Variants in JAKMIP1 observed in about 807,000 individuals in gnomAD.
JAKMIP1 encodes the protein janus kinase and microtubule interacting protein 1.
In JAKMIP1, 33 loss-of-function variants were observed where a neutral mutation model predicts 113.0. The ratio of observed to expected loss-of-function variants is 0.29; its 90% confidence interval spans 0.22 to 0.39. JAKMIP1 has a LOEUF of 0.39. JAKMIP1 is among the 10% of genes least tolerant of loss of function. The pLI is 1.00. For synonymous variants in JAKMIP1, 480 were observed against 459.9 expected, an observed-to-expected ratio of 1.04 and a Z score of -0.56; for missense variants, 813 against 1,080.5, an observed-to-expected ratio of 0.75 and a Z score of 3.47.
chr4:6,108,911 T>C lies in JAKMIP1; in HGVS notation c.130-2944A>G, dbSNP rs1222312925. Among the ~76,000 whole-genome samples the C allele has an allele frequency of 6.6e-6, 1 of 152,240 alleles. No individual in the cohort carries two copies. Among genetic ancestry groups the C allele is most frequent in the Non-Finnish European group, 1.5e-5 (1 of 68,046 alleles). The stretch of plus-strand genomic sequence containing the variant: ...TCATATATGGAAATATTTACAGGTA[T>C]GCGTACATACGCAGGTCAGTATACA... On this transcript the variant is annotated intron_variant, in intron 2 of 20. Coordinates refer to ENST00000409021, the MANE Select transcript of JAKMIP1 (RefSeq NM_001099433.2). This position sits in a 1 kb window ranked among gnomAD's most constrained non-coding sequence, Gnocchi z 5.6.
At chr4:6,134,181 C>G (rs4364330) in intron 1 of JAKMIP1, among the ~76,000 whole-genome samples, 50,970 of 152,076 alleles carry the variant, frequency 0.34, 9,978 homozygotes, top group East Asian at 0.57. Flanking sequence ...ACAGTTCCTC[C>G]TTCACATACT....
At chr4:6,124,903 A>T (rs1427842156) in intron 1 of JAKMIP1, among the ~76,000 whole-genome samples, 2 of 152,232 alleles carry the variant, frequency 1.3e-5, no homozygotes, top group African/African-American at 4.8e-5. Flanking sequence ...TCGGGTGACC[A>T]TCTATCTCCA....
In JAKMIP1 at chr4:6,156,191, G is replaced by A. The variant is rs930322639; in HGVS notation, c.-147-43194C>T. The stretch of plus-strand genomic sequence containing the variant: ...TTCTCACCGTACCACGCCCGGCACA[G>A]AGCCAGCCAGCCACGCGCAAAGCCA... On this transcript the variant is annotated intron_variant, in intron 1 of 20. Transcript: ENST00000409021. The surrounding 1 kb of genome is among the most constrained non-coding windows in gnomAD (Gnocchi z 5.0). 6.6e-6 allele frequency among the ~76,000 whole-genome samples: 1 copy of A among 152,224 alleles called. No homozygotes were observed. Among genetic ancestry groups the A allele is most frequent in the Non-Finnish European group, 1.5e-5 (1 of 68,048 alleles).
intron 2 of JAKMIP1, among the ~76,000 whole-genome samples, chr4:6,107,127 T>C (rs928643450): frequency 7.2e-5 from 11 of 152,224 alleles, no homozygotes; most frequent in African/African-American, 2.7e-4. Flanking sequence ...CCATGTTCTG[T>C]CCACCTTACC....
At chr4:6,056,659 C>T in intron 12 of JAKMIP1, 38 bp downstream of exon 12, 1 of 1,569,906 alleles carries the variant, frequency 6.4e-7, no homozygotes, top group Non-Finnish European at 8.8e-7. Context: ...TCCCAACTGC[C>T]CTGCGGCTGT....
intron 1 of JAKMIP1, among the ~76,000 whole-genome samples, chr4:6,161,573 T>C (rs1722960873): frequency 6.6e-6 from 1 of 151,164 alleles, no homozygotes; most frequent in African/African-American, 2.4e-5. Flanking sequence ...AAATAGAACA[T>C]TCCAGATGGA....
intron 1 of JAKMIP1, among the ~76,000 whole-genome samples, chr4:6,152,458 G>T (rs1267285509): frequency 1.3e-5 from 2 of 152,178 alleles, no homozygotes; most frequent in East Asian, 3.9e-4. Context: ...CAGAGATAAG[G>T]CCTGGCATTG....
intron 3 of JAKMIP1, among the ~76,000 whole-genome samples, chr4:6,092,818 C>T (rs1367339852): frequency 2.0e-5 from 3 of 152,188 alleles, no homozygotes; most frequent in Non-Finnish European, 4.4e-5. Flanking sequence ...GGTGCAGGGG[C>T]CTCGATTCTA....
At position 6,040,773 on chromosome 4, in the gene JAKMIP1, C is replaced by T. The variant is rs756020931; in HGVS notation, c.2098-57G>A. 1.7e-5 allele frequency: 24 copies of T among 1,377,418 alleles called. No homozygotes were observed. Among genetic ancestry groups the T allele is most frequent in the Non-Finnish European group, 2.3e-5 (22 of 972,814 alleles). The allele number at this position is 1,377,418 out of a possible 1,614,324, so 85.3% of individuals were successfully genotyped here. A position where few individuals can be genotyped will look rare whatever the true frequency, so the allele number is the denominator to read the frequency against. Reference sequence around the variant, plus strand: ...GCGTCAGAACAGGAATCCATGACAGCTTCAGAGCCCGTTTGCTAGAGAGTG... The same window carrying T: ...GCGTCAGAACAGGAATCCATGACAGTTTCAGAGCCCGTTTGCTAGAGAGTG... On this transcript the variant is annotated intron_variant, in intron 17 of 20. Coordinates refer to ENST00000409021, the MANE Select transcript of JAKMIP1 (RefSeq NM_001099433.2). This position sits in a 1 kb window ranked among gnomAD's most constrained non-coding sequence, Gnocchi z 5.8.
chr4:6,172,022 T>G (rs1724788670), intron 1 of JAKMIP1, among the ~76,000 whole-genome samples: 3 of 152,196 alleles, frequency 2.0e-5, no homozygotes, highest in Non-Finnish European at 4.4e-5. Context: ...CTCCCCCACG[T>G]GATACCTGAT....
Position 6,136,146 on chromosome 4 carries a change from T to C in JAKMIP1, c.-147-23149A>G, listed in dbSNP as rs924333654. On this transcript the variant is annotated intron_variant, in intron 1 of 20. Coordinates refer to ENST00000409021, the MANE Select transcript of JAKMIP1 (RefSeq NM_001099433.2). The surrounding 1 kb of genome is among the most constrained non-coding windows in gnomAD (Gnocchi z 5.9). The stretch of plus-strand genomic sequence containing the variant: ...CTGTATTCCCAGCTGCTGGGGAGGC[T>C]GAGGCAGGAGAATCACTTGAACCCA... Among the ~76,000 whole-genome samples, 5 of 151,916 alleles carry C rather than the reference T, an allele frequency of 3.3e-5. No homozygotes were observed. Among genetic ancestry groups the C allele is most frequent in the Non-Finnish European group, 7.4e-5 (5 of 68,002 alleles).
At chr4:6,172,626 C>CT (rs1207032074) in intron 1 of JAKMIP1, among the ~76,000 whole-genome samples, 5 of 152,202 alleles carry the variant, frequency 3.3e-5, no homozygotes, top group Non-Finnish European at 5.9e-5. Flanking sequence ...ATGGGAGCCC[C>CT]TAATGGCAGT....
intron 19 of JAKMIP1, among the ~76,000 whole-genome samples, chr4:6,032,619 C>G (rs561409721): frequency 6.8e-4 from 104 of 152,270 alleles, no homozygotes; most frequent in African/African-American, 2.3e-3. Flanking sequence ...TGCCACAGCA[C>G]CTAGAACAGT....
In JAKMIP1 at chr4:6,106,454, G is replaced by T. The variant is rs2108877355; in HGVS notation, c.130-487C>A. 6.6e-6 allele frequency among the ~76,000 whole-genome samples: 1 copy of T among 152,212 alleles called. No homozygotes were observed. Among genetic ancestry groups the T allele is most frequent in the Non-Finnish European group, 1.5e-5 (1 of 68,022 alleles). On this transcript the variant is annotated intron_variant, in intron 2 of 20. Coordinates refer to ENST00000409021, the MANE Select transcript of JAKMIP1 (RefSeq NM_001099433.2). This position sits in a 1 kb window ranked among gnomAD's most constrained non-coding sequence, Gnocchi z 5.9. ...AGTGGGGTCCCTAGCTGGGCTGGGG[G>T]CTCCAATGCATCACCCACATTGCCA... is the stretch of plus-strand genomic sequence containing the variant.
In JAKMIP1 at chr4:6,065,060, C is replaced by A; in HGVS notation, c.1303-52G>T. 1 of 1,610,306 alleles carries A rather than the reference C, an allele frequency of 6.2e-7. No individual in the cohort carries two copies. Among genetic ancestry groups the A allele is most frequent in the South Asian group, 1.1e-5 (1 of 90,888 alleles). ...AGCAACGACTGAGGATTGCCAGAGT[C>A]TACCAGTCCCTGGTCGTGGGCATGC... On this transcript the variant is annotated intron_variant, in intron 8 of 20. Transcript: ENST00000409021. This position sits in a 1 kb window ranked among gnomAD's most constrained non-coding sequence, Gnocchi z 5.1.
intron 3 of JAKMIP1, among the ~76,000 whole-genome samples, chr4:6,099,757 T>A (rs1392202058): frequency 6.6e-6 from 1 of 152,228 alleles, no homozygotes; most frequent in Non-Finnish European, 1.5e-5. Context: ...TGGTACAGCC[T>A]CTGGCGACAA....
rs767345426 is a variant in JAKMIP1, at chr4:6,154,087, A to T, written c.-147-41090T>A. ...CCCCAGACCATGCCTGGCTGACTGC[A>T]TCCTGCTGCCTATGGTGAGAAGGCA... On this transcript the variant is annotated intron_variant, in intron 1 of 20. Transcript: ENST00000409021. The surrounding 1 kb of genome is among the most constrained non-coding windows in gnomAD (Gnocchi z 4.2). 3.9e-5 allele frequency among the ~76,000 whole-genome samples: 6 copies of T among 152,214 alleles called. No homozygotes were observed. Among genetic ancestry groups the T allele is most frequent in the Non-Finnish European group, 7.3e-5 (5 of 68,052 alleles).
intron 1 of JAKMIP1, among the ~76,000 whole-genome samples, chr4:6,151,162 C>A (rs1022390819): frequency 6.6e-6 from 1 of 152,194 alleles, no homozygotes; most frequent in African/African-American, 2.4e-5. Context: ...GGCCATAGCA[C>A]CCTACATGCC....
Position 6,040,560 on chromosome 4 carries a change from A to C in JAKMIP1, c.2175+79T>G, listed in dbSNP as rs1024342977. On this transcript the variant is annotated intron_variant, in intron 18 of 20. Transcript: ENST00000409021. This position sits in a 1 kb window ranked among gnomAD's most constrained non-coding sequence, Gnocchi z 5.8. ...TGGCACTGGGGAGCGCCCTAAATGC[A>C]GTTTCAGCCCCAGAGGAAAAAGCAG... is the stretch of plus-strand genomic sequence containing the variant. The C allele has an allele frequency of 1.5e-5, 15 of 998,816 alleles. No homozygotes were observed. The highest frequency in any genetic ancestry group is 1.9e-5 in the Non-Finnish European group (12 of 634,670). The allele number at this position is 998,816 out of a possible 1,614,324, so 61.9% of individuals were successfully genotyped here. A position where few individuals can be genotyped will look rare whatever the true frequency, so the allele number is the denominator to read the frequency against.
Sources: allele counts gnomAD v4.1 joint callset (sites outside exome capture counted in the v4.1 genomes callset), GRCh38; gene constraint gnomAD v4.1.1; non-coding constraint Gnocchi (gnomAD v3.1); transcripts MANE v1.5; gene names NCBI Gene and HGNC (gene_info 2026-07-23, HGNC 2026-07-21).